Variants in ARPC5 observed in about 807,000 individuals in gnomAD.
ARPC5 encodes the protein actin related protein 2/3 complex subunit 5, also known as actin-related protein 2/3 complex subunit 5.
A neutral mutation model predicts 15.4 loss-of-function variants in ARPC5; 5 were observed. The ratio of observed to expected loss-of-function variants is 0.32; its 90% CI spans 0.17 to 0.68. The LOEUF is 0.68. Among genes scored for constraint, ARPC5 ranks in the 30% least tolerant of loss-of-function variants. The pLI is 0.71. For missense variants in ARPC5, 138 were observed against 192.8 expected (o/e 0.72, Z 1.68); for synonymous variants, 85 against 72.2 (o/e 1.18, Z -0.90).
rs372942072 is a variant in ARPC5 at position 183,635,549 on chromosome 1, G to A, written c.111C>T (p.Pro37=). 1.9e-6 allele frequency: 3 copies of A among 1,612,782 alleles called. No individual in the cohort carries two copies. The highest frequency in any genetic ancestry group is 2.7e-5 in the African/African-American group (2 of 74,872). ...EEDGGDGQAG[P]DEGEVDSCLR... Reference sequence around the variant, plus strand: ...GGCAGGAGTCCACCTCGCCCTCGTCGGGCCCGGCCTGGCCGTCGCCCCCAT... The same window carrying A: ...GGCAGGAGTCCACCTCGCCCTCGTCAGGCCCGGCCTGGCCGTCGCCCCCAT... The change falls in exon 1 of 4, where the codon CCC becomes CCT. Residue 37 remains proline (P), a synonymous_variant. Coordinates refer to ENST00000359856, the MANE Select transcript of ARPC5 (RefSeq NM_005717.4).
chr1:183,632,136 C>T (rs1024977604), intron 2 of ARPC5: 2 of 152,170 alleles, frequency 1.3e-5, no homozygotes, highest in African/African-American at 2.4e-5. Flanking sequence ...TAAGTTATTA[C>T]TTACTACTAT....
intron 3 of ARPC5, among the ~76,000 whole-genome samples, chr1:183,628,172 C>CA (rs3068220): frequency 0.01 from 473 of 46,002 alleles, 66 homozygotes; most frequent in East Asian, 0.023. Context: ...GACTCCGTCT[C>CA]AAAAAAAAAA....
At chr1:183,634,784 T>C (rs747067423) in intron 1 of ARPC5, among the ~76,000 whole-genome samples, 2 of 152,240 alleles carry the variant, frequency 1.3e-5, no homozygotes, top group Non-Finnish European at 2.9e-5. Flanking sequence ...TTTTTTCTAT[T>C]GTCCTTTTCT....
At chr1:183,631,852 G>A (rs1425798959) in intron 2 of ARPC5, 3 of 152,138 alleles carry the variant, frequency 2.0e-5, no homozygotes, top group African/African-American at 7.2e-5. Flanking sequence ...GCCAAGCAAA[G>A]GAAACACTTA....
At chr1:183,631,359 C>T (rs921001592) in intron 2 of ARPC5, 3 of 151,686 alleles carry the variant, frequency 2.0e-5, no homozygotes, top group Non-Finnish European at 4.4e-5. Context: ...ATGGGCAGAT[C>T]ACCTGAGGTC....
rs12029647 is a variant in ARPC5 at position 183,624,833 on chromosome 1, G to T, written c.*2699C>A. 1 of 152,062 alleles carries T rather than the reference G, an allele frequency of 6.6e-6. No individual in the cohort carries two copies. Among genetic ancestry groups the T allele is most frequent in the Admixed American group, 6.5e-5 (1 of 15,278 alleles). The allele number at this position is 152,062 out of a possible 1,614,324, so 9.4% of individuals were successfully genotyped here. ...TAACCTTACTTCCCAATTAGGCTGA[G>T]AGCAAACTGGTGAACAAGATTCAGA... On this transcript the variant is annotated 3_prime_UTR_variant, in exon 4 of 4. Coordinates refer to ENST00000359856, the MANE Select transcript of ARPC5 (RefSeq NM_005717.4).
chr1:183,634,455 G>A (rs1222798784), intron 1 of ARPC5, among the ~76,000 whole-genome samples: 1 of 152,194 alleles, frequency 6.6e-6, no homozygotes, highest in Non-Finnish European at 1.5e-5. Flanking sequence ...ATTGTTGAGA[G>A]TCTTCCTTAT....
rs1230054761 is a variant in ARPC5 at position 183,625,889 on chromosome 1, T to C, written c.*1643A>G. The C allele has an allele frequency of 6.6e-6, 1 of 152,156 alleles. No homozygotes were observed. The highest frequency in any genetic ancestry group is 2.4e-5 in the African/African-American group (1 of 41,416). 9.4% of individuals were successfully genotyped at this position (152,156 alleles called of 1,614,324 possible). A position where few individuals can be genotyped will look rare whatever the true frequency, so the allele number is the denominator to read the frequency against. On this transcript the variant is annotated 3_prime_UTR_variant, in exon 4 of 4. Coordinates refer to ENST00000359856, the MANE Select transcript of ARPC5 (RefSeq NM_005717.4). ...GATTTGAGGTGAAAGAAAGAGAATTTTGGAGGCTGGGAGTGAATGACTGCA... is the reference window on the plus strand; with the variant it reads ...GATTTGAGGTGAAAGAAAGAGAATTCTGGAGGCTGGGAGTGAATGACTGCA...
chr1:183,628,415 T>C (rs1649174657), intron 3 of ARPC5, among the ~76,000 whole-genome samples: 1 of 152,052 alleles, frequency 6.6e-6, no homozygotes, highest in Non-Finnish European at 1.5e-5. Flanking sequence ...ATTTGAAAAA[T>C]AGAGAGTAAT....
Position 183,635,668 on chromosome 1 carries a change from C to T in ARPC5, c.-9G>A, listed in dbSNP as rs1649470234. 4 of 1,609,572 alleles carry T rather than the reference C, an allele frequency of 2.5e-6. No individual in the cohort carries two copies. Among genetic ancestry groups the T allele is most frequent in the African/African-American group, 1.3e-5 (1 of 74,888 alleles). The stretch of plus-strand genomic sequence containing the variant: ...ACTGTGTTCTTCGACATCCCAATCC[C>T]GACCAGCGGCAAAGGCCTCTTCTTG... On this transcript the variant is annotated 5_prime_UTR_variant, in exon 1 of 4. Transcript: ENST00000359856.
intron 1 of ARPC5, among the ~76,000 whole-genome samples, chr1:183,634,443 ACATTGTTG>A (rs1319592758): frequency 3.3e-5 from 5 of 152,230 alleles, no homozygotes; most frequent in Non-Finnish European, 7.3e-5. Flanking sequence ...CTATAACAGG[ACATTGTTG>A]AGAGTCTTCC....
chr1:183,623,601 TG>T lies in ARPC5; in HGVS notation c.*3930del, dbSNP rs1648999823. Reference sequence around the variant, plus strand: ...AGAAGCAGCCTTGTTTAAGGGCACTTGGTTCTACAGAGGCCGTTGGTCTGTT... The same window carrying T: ...AGAAGCAGCCTTGTTTAAGGGCACTTGTTCTACAGAGGCCGTTGGTCTGTT... On this transcript the variant is annotated 3_prime_UTR_variant, in exon 4 of 4. Transcript: ENST00000359856. 7.5e-7 allele frequency: 1 copy of T among 1,324,620 alleles called. No homozygotes were observed. Among genetic ancestry groups the T allele is most frequent in the African/African-American group, 1.5e-5 (1 of 68,774 alleles). 82.1% of individuals were successfully genotyped at this position (1,324,620 alleles called of 1,614,324 possible). A position where few individuals can be genotyped will look rare whatever the true frequency, so the allele number is the denominator to read the frequency against.
intron 1 of ARPC5, chr1:183,633,362 G>C (rs542573593): frequency 7.6e-6 from 3 of 393,526 alleles, no homozygotes; most frequent in Non-Finnish European, 1.4e-5. Context: ...TTTTAATAAA[G>C]CAAAGACTGT....
rs1208689547 is a variant in ARPC5, at chr1:183,624,111, A to C, written c.*3421T>G. On this transcript the variant is annotated 3_prime_UTR_variant, in exon 4 of 4. Coordinates refer to ENST00000359856, the MANE Select transcript of ARPC5 (RefSeq NM_005717.4). ...ATCATCAATGTCTATTTCAGCTAATAAAACATTATGATTTCCTATAATTTT... is the reference window on the plus strand; with the variant it reads ...ATCATCAATGTCTATTTCAGCTAATCAAACATTATGATTTCCTATAATTTT... 2 of 152,448 alleles carry C rather than the reference A, an allele frequency of 1.3e-5. No individual in the cohort carries two copies. The highest frequency in any genetic ancestry group is 4.8e-5 in the African/African-American group (2 of 41,472). 9.4% of individuals were successfully genotyped at this position (152,448 alleles called of 1,614,324 possible).
chr1:183,627,411 A>G lies in ARPC5; in HGVS notation c.*121T>C. The G allele has an allele frequency of 2.4e-6, 2 of 816,660 alleles. No individual in the cohort carries two copies. Among genetic ancestry groups the G allele is most frequent in the Non-Finnish European group, 4.2e-6 (2 of 479,820 alleles). The allele number at this position is 816,660 out of a possible 1,614,324, so 50.6% of individuals were successfully genotyped here. ...ATTTTTTTCTTTACAGATATGAAAA[A>G]GCAAGAAGGCAAAGCTGAGAGAAAC... On this transcript the variant is annotated 3_prime_UTR_variant, in exon 4 of 4. Coordinates refer to ENST00000359856, the MANE Select transcript of ARPC5 (RefSeq NM_005717.4).
intron 3 of ARPC5, among the ~76,000 whole-genome samples, chr1:183,629,053 C>T (rs1558121588): frequency 6.6e-6 from 1 of 152,158 alleles, no homozygotes. Flanking sequence ...AGATAGATTT[C>T]AGAAATACTT....
Position 183,623,543 on chromosome 1 carries a change from G to C in ARPC5, c.*3989C>G. The C allele has an allele frequency of 6.5e-7, 1 of 1,548,070 alleles. No homozygotes were observed. The highest frequency in any genetic ancestry group is 2.4e-5 in the East Asian group (1 of 40,910). ...GACATTGGGGTGAGGGGGAGAGGGAGTGGGGCAGAGGTCCCGCGGCAGGAA... is the reference window on the plus strand; with the variant it reads ...GACATTGGGGTGAGGGGGAGAGGGACTGGGGCAGAGGTCCCGCGGCAGGAA... On this transcript the variant is annotated 3_prime_UTR_variant, in exon 4 of 4. Coordinates refer to ENST00000359856, the MANE Select transcript of ARPC5 (RefSeq NM_005717.4).
chr1:183,635,079 C>T (rs1479093704), intron 1 of ARPC5, among the ~76,000 whole-genome samples: 4 of 152,096 alleles, frequency 2.6e-5, no homozygotes, highest in Non-Finnish European at 5.9e-5. Context: ...GATGCAGGTT[C>T]CCCACAATCA....
At chr1:183,630,282 T>C (rs530508032) in intron 3 of ARPC5, 179 bp downstream of exon 3, 2 of 441,326 alleles carry the variant, frequency 4.5e-6, no homozygotes, top group East Asian at 3.5e-5. Context: ...AGTGTTGGAA[T>C]CAGAATCTCT....
Sources: allele counts gnomAD v4.1 joint callset (sites outside exome capture counted in the v4.1 genomes callset), GRCh38; gene constraint gnomAD v4.1.1; transcripts MANE v1.5; gene names NCBI Gene and HGNC (gene_info 2026-07-23, HGNC 2026-07-21).